Variants in MSRA observed in about 807,000 individuals in gnomAD.
MSRA encodes mitochondrial peptide methionine sulfoxide reductase.
Under a neutral mutation model 31.3 loss-of-function variants are expected in MSRA, and 54 were observed. The observed-to-expected ratio is 1.73, with a 90% CI of 1.39 to 2.17. The LOEUF (loss-of-function observed/expected upper bound fraction) is 2.17, where lower values mean the gene tolerates loss of function less well. MSRA is among the 30% of genes most tolerant of loss of function. MSRA has a pLI of 0.00. For synonymous variants in MSRA, 169 were observed against 116.5 expected, an observed-to-expected ratio of 1.45 and a Z score of -2.90; for missense variants, 507 against 300.9, an observed-to-expected ratio of 1.69 and a Z score of -5.07.
At chr8:10,371,209 C>T (rs1215959356) in intron 5 of MSRA, among the ~76,000 whole-genome samples, 2 of 152,108 alleles carry the variant, frequency 1.3e-5, no homozygotes, top group African/African-American at 2.4e-5. Flanking sequence ...GATGTAAGTA[C>T]CAACAGGCAT....
chr8:10,418,807 A>G (rs1432160403), intron 5 of MSRA, among the ~76,000 whole-genome samples: 2 of 113,914 alleles, frequency 1.8e-5, no homozygotes, highest in Non-Finnish European at 3.4e-5. Flanking sequence ...TGTGTATTTT[A>G]CTACGACTAA....
chr8:10,083,204 T>C (rs1798379921), intron 1 of MSRA, among the ~76,000 whole-genome samples: 1 of 152,250 alleles, frequency 6.6e-6, no homozygotes, highest in Non-Finnish European at 1.5e-5. Context: ...CAAAAGATTA[T>C]GAATTTGATC....
intron 5 of MSRA, among the ~76,000 whole-genome samples, chr8:10,367,759 G>C (rs542492102): frequency 6.6e-6 from 1 of 152,354 alleles, no homozygotes; most frequent in Admixed American, 6.5e-5. Context: ...GGTGTGTTGT[G>C]CTCAGCACTG....
intron 2 of MSRA, among the ~76,000 whole-genome samples, chr8:10,237,616 A>G (rs1308468513): frequency 6.6e-6 from 1 of 152,214 alleles, no homozygotes; most frequent in South Asian, 2.1e-4. Context: ...TTACTCTACT[A>G]GGTATTTTGA....
intron 5 of MSRA, among the ~76,000 whole-genome samples, chr8:10,363,760 A>ACACACACACACACACACACG (rs2129166551): frequency 1.3e-5 from 2 of 150,544 alleles, no homozygotes; most frequent in African/African-American, 4.9e-5. Context: ...ACACACACAC[A>ACACACACACACACACACACG]CACACACACA....
chr8:10,290,000 A>G (rs147330612), intron 3 of MSRA, among the ~76,000 whole-genome samples: 15 of 152,348 alleles, frequency 9.8e-5, no homozygotes, highest in African/African-American at 3.1e-4. Context: ...GCTCTTAACC[A>G]TCTTCTAAGA....
chr8:10,337,446 T>G, intron 5 of MSRA: 1 of 399,492 alleles, frequency 2.5e-6, no homozygotes, highest in Non-Finnish European at 4.5e-6. Flanking sequence ...CCCAAAGTGC[T>G]GGGATTACAG....
chr8:10,173,916 G>T (rs1226636861), intron 1 of MSRA, among the ~76,000 whole-genome samples: 1 of 152,208 alleles, frequency 6.6e-6, no homozygotes, highest in African/African-American at 2.4e-5. Flanking sequence ...CTGGGCTAAT[G>T]GTCCCAGCGT....
intron 1 of MSRA, among the ~76,000 whole-genome samples, chr8:10,148,624 G>A (rs1047921129): frequency 1.3e-5 from 2 of 151,378 alleles, no homozygotes; most frequent in African/African-American, 4.9e-5. Context: ...TTCAGCCTGG[G>A]CAAGAGAGTG....
At chr8:10,116,635 G>C (rs1485801577) in intron 1 of MSRA, among the ~76,000 whole-genome samples, 5 of 152,078 alleles carry the variant, frequency 3.3e-5, no homozygotes, top group Non-Finnish European at 5.9e-5. Context: ...CAGGAGCACG[G>C]AGCAGGGTCT....
intron 1 of MSRA, among the ~76,000 whole-genome samples, chr8:10,135,426 G>A (rs1452866484): frequency 1.3e-5 from 2 of 152,318 alleles, no homozygotes; most frequent in East Asian, 3.9e-4. Context: ...AAGAGAGGAA[G>A]AAGTCATTTT....
chr8:10,117,700 T>A (rs1211870721), intron 1 of MSRA, among the ~76,000 whole-genome samples: 1 of 152,224 alleles, frequency 6.6e-6, no homozygotes, highest in Non-Finnish European at 1.5e-5. Context: ...CAAATACATT[T>A]CAGGGTCTTT....
chr8:10,374,170 C>T (rs1055262568), intron 5 of MSRA, among the ~76,000 whole-genome samples: 1 of 152,160 alleles, frequency 6.6e-6, no homozygotes, highest in Non-Finnish European at 1.5e-5. Context: ...TCCTACGATC[C>T]GTTTGGTCCC....
chr8:10,247,774 T>C (rs981327093), intron 3 of MSRA, among the ~76,000 whole-genome samples: 2 of 152,204 alleles, frequency 1.3e-5, no homozygotes, highest in African/African-American at 4.8e-5. Context: ...TTCCCTAGGC[T>C]TTTTTGTTGT....
chr8:10,108,460 T>C (rs1441114797), intron 1 of MSRA, among the ~76,000 whole-genome samples: 1 of 152,252 alleles, frequency 6.6e-6, no homozygotes, highest in Non-Finnish European at 1.5e-5. Flanking sequence ...TGCGATAGTC[T>C]GTGGATTAGA....
chr8:10,301,671 C>G (rs1233613842), intron 4 of MSRA, 33 bp downstream of exon 4: 1 of 1,527,406 alleles, frequency 6.5e-7, no homozygotes, highest in Non-Finnish European at 9.1e-7. Flanking sequence ...ATTTAATTAT[C>G]TTACTAATTA....
At chr8:10,316,464 C>T (rs1022826617) in intron 4 of MSRA, among the ~76,000 whole-genome samples, 14 of 147,862 alleles carry the variant, frequency 9.5e-5, no homozygotes, top group Non-Finnish European at 1.2e-4. Flanking sequence ...GGGTGAATAA[C>T]GTAGTAAAGC....
intron 5 of MSRA, chr8:10,337,409 G>GTC: frequency 3.3e-6 from 1 of 299,462 alleles, no homozygotes; most frequent in Non-Finnish European, 6.3e-6. Context: ...TGGATCTCCT[G>GTC]ACCTCGTGAT....
intron 1 of MSRA, among the ~76,000 whole-genome samples, chr8:10,165,547 G>A (rs1441972321): frequency 6.6e-6 from 1 of 152,188 alleles, no homozygotes; most frequent in African/African-American, 2.4e-5. Flanking sequence ...ACAGCAGCAC[G>A]TTGGTACCTG....
Sources: allele counts gnomAD v4.1 joint callset (sites outside exome capture counted in the v4.1 genomes callset), GRCh38; gene constraint gnomAD v4.1.1; transcripts MANE v1.5; gene names NCBI Gene and HGNC (gene_info 2026-07-23, HGNC 2026-07-21).